NR5A1: variants seen among roughly 807,000 people sequenced by gnomAD.
The protein encoded by NR5A1 is nuclear receptor subfamily 5 group A member 1, also known as steroidogenic factor 1.
NR5A1 carries 6 observed loss-of-function variants against 42.7 expected under a neutral mutation model. The observed-to-expected ratio is 0.14, with a 90% CI of 0.08 to 0.28. The LOEUF (loss-of-function observed/expected upper bound fraction) is 0.28. Ranked by LOEUF, NR5A1 falls within the 10% of genes least tolerant of loss-of-function variation. NR5A1 has a pLI of 1.00. For synonymous variants in NR5A1, 274 were observed against 277.5 expected, an observed-to-expected ratio of 0.99 and a Z score of 0.12; for missense variants, 442 against 626.4, an observed-to-expected ratio of 0.71 and a Z score of 3.14.
At chr9:124,491,041 C>CCCGGGGGG in intron 6 of NR5A1, 40 bp downstream of exon 6, 9 of 1,509,624 alleles carry the variant, frequency 6.0e-6, no homozygotes, top group Non-Finnish European at 8.1e-6. Flanking sequence ...CCACCCGCCT[C>CCCGGGGGG]TGGCTGTCTC....
intron 6 of NR5A1, among the ~76,000 whole-genome samples, chr9:124,483,852 C>T (rs1184806359): frequency 1.3e-5 from 2 of 152,184 alleles, no homozygotes; most frequent in Non-Finnish European, 2.9e-5. Flanking sequence ...CCCCTATGAC[C>T]AACAGACAGG....
At chr9:124,491,032 C>CCCCCCCCCCCAGGGGGGGG in intron 6 of NR5A1, 49 bp downstream of exon 6, 4 of 1,258,250 alleles carry the variant, frequency 3.2e-6, no homozygotes, top group Non-Finnish European at 4.4e-6. Flanking sequence ...CCCTCCCACC[C>CCCCCCCCCCCAGGGGGGGG]ACCCGCCTCT....
intron 5 of NR5A1, among the ~76,000 whole-genome samples, chr9:124,491,851 T>G (rs1490583843): frequency 6.6e-6 from 1 of 151,568 alleles, no homozygotes; most frequent in Non-Finnish European, 1.5e-5. Flanking sequence ...ACCCACACAC[T>G]GATGTGTGTG....
In NR5A1 at chr9:124,501,521, C is replaced by G. The variant is rs1015178333; in HGVS notation, c.245-806G>C. ...CCGCCCCTGCTCAGACAGGGCCCCACCCTGGGATCTGGGCGAGGGGAAAGA... is the reference window on the plus strand; with the variant it reads ...CCGCCCCTGCTCAGACAGGGCCCCAGCCTGGGATCTGGGCGAGGGGAAAGA... On this transcript the variant is annotated intron_variant, in intron 3 of 6. Coordinates refer to ENST00000373588, the MANE Select transcript of NR5A1 (RefSeq NM_004959.5). The surrounding 1 kb of genome is among the most constrained non-coding windows in gnomAD (Gnocchi z 4.1). Among the ~76,000 whole-genome samples, 3 of 152,224 alleles carry G rather than the reference C, an allele frequency of 2.0e-5. No individual in the cohort carries two copies. The highest frequency in any genetic ancestry group is 4.4e-5 in the Non-Finnish European group (3 of 68,044).
Position 124,498,621 on chromosome 9 carries a change from T to C in NR5A1, c.870+1469A>G, listed in dbSNP as rs1564151909. Among the ~76,000 whole-genome samples, 1 of 152,170 alleles carries C rather than the reference T, an allele frequency of 6.6e-6. No individual in the cohort carries two copies. The highest frequency in any genetic ancestry group is 6.5e-5 in the Admixed American group (1 of 15,286). The stretch of plus-strand genomic sequence containing the variant: ...AAGCTAGCAACCAACCCAAGATGCT[T>C]GGGGTCCTCATCCCCACCAGGGCCT... On this transcript the variant is annotated intron_variant, in intron 4 of 6. Transcript: ENST00000373588. This position sits in a 1 kb window ranked among gnomAD's most constrained non-coding sequence, Gnocchi z 4.6.
chr9:124,505,789 G>A (rs1564154813), intron 1 of NR5A1, among the ~76,000 whole-genome samples: 1 of 152,202 alleles, frequency 6.6e-6, no homozygotes, highest in Non-Finnish European at 1.5e-5. Flanking sequence ...GTGGGGCGAG[G>A]AAGAAAGCGC....
At chr9:124,504,176 C>T (rs999606713) in intron 1 of NR5A1, among the ~76,000 whole-genome samples, 3 of 152,018 alleles carry the variant, frequency 2.0e-5, no homozygotes, top group Non-Finnish European at 4.4e-5. Flanking sequence ...CAACGATAGA[C>T]GACAGACAGA....
At position 124,498,925 on chromosome 9, in the gene NR5A1, C is replaced by A. The variant is rs1183750430; in HGVS notation, c.870+1165G>T. The stretch of plus-strand genomic sequence containing the variant: ...ACCCACCCCCACCTACCAGCCAGGG[C>A]AGGCAGTGCCCCCAGCCCATCCGGC... On this transcript the variant is annotated intron_variant, in intron 4 of 6. Transcript: ENST00000373588. This position sits in a 1 kb window ranked among gnomAD's most constrained non-coding sequence, Gnocchi z 4.6. Among the ~76,000 whole-genome samples, 1 of 152,182 alleles carries A rather than the reference C, an allele frequency of 6.6e-6. No homozygotes were observed. Among genetic ancestry groups the A allele is most frequent in the African/African-American group, 2.4e-5 (1 of 41,448 alleles).
intron 4 of NR5A1, among the ~76,000 whole-genome samples, chr9:124,497,312 TGTAA>T (rs1832403530): frequency 6.6e-6 from 1 of 152,196 alleles, no homozygotes; most frequent in Non-Finnish European, 1.5e-5. Flanking sequence ...TCATACAGCA[TGTAA>T]GTGACAGAGC....
Position 124,498,120 on chromosome 9 carries a change from G to C in NR5A1, c.870+1970C>G, listed in dbSNP as rs941227504. ...TCTTCTGTCTGCTAAGATGTGTCCT[G>C]TCTGGAGGTGGGGAAATGAATGATC... On this transcript the variant is annotated intron_variant, in intron 4 of 6. Coordinates refer to ENST00000373588, the MANE Select transcript of NR5A1 (RefSeq NM_004959.5). The surrounding 1 kb of genome is among the most constrained non-coding windows in gnomAD (Gnocchi z 4.6). 2.0e-5 allele frequency among the ~76,000 whole-genome samples: 3 copies of C among 152,206 alleles called. No individual in the cohort carries two copies. Among genetic ancestry groups the C allele is most frequent in the Admixed American group, 2.0e-4 (3 of 15,292 alleles).
intron 5 of NR5A1, among the ~76,000 whole-genome samples, chr9:124,492,249 C>T (rs1416902876): frequency 6.7e-6 from 1 of 149,524 alleles, no homozygotes; most frequent in Non-Finnish European, 1.5e-5. Flanking sequence ...CTCCCCCCCT[C>T]CCTCTCTTTC....
intron 6 of NR5A1, among the ~76,000 whole-genome samples, chr9:124,485,956 G>A (rs188150083): frequency 6.6e-6 from 1 of 152,270 alleles, no homozygotes; most frequent in East Asian, 1.9e-4. Context: ...CATCAGTAAA[G>A]GGTCCTGGAG....
intron 4 of NR5A1, among the ~76,000 whole-genome samples, chr9:124,495,494 A>G (rs1832378266): frequency 6.6e-6 from 1 of 152,194 alleles, no homozygotes; most frequent in Non-Finnish European, 1.5e-5. Context: ...TACCGGCCAG[A>G]CTTCTGGGGA....
chr9:124,500,850 A>C lies in NR5A1; in HGVS notation c.245-135T>G. 1 of 1,364,512 alleles carries C rather than the reference A, an allele frequency of 7.3e-7. No homozygotes were observed. The highest frequency in any genetic ancestry group is 1.0e-6 in the Non-Finnish European group (1 of 968,860). 84.5% of individuals were successfully genotyped at this position (1,364,512 alleles called of 1,614,324 possible). On this transcript the variant is annotated intron_variant, in intron 3 of 6. Coordinates refer to ENST00000373588, the MANE Select transcript of NR5A1 (RefSeq NM_004959.5). The surrounding 1 kb of genome is among the most constrained non-coding windows in gnomAD (Gnocchi z 6.9). ...CCCTTTCATGGCTCCCACTGACCAC[A>C]GGGGAAGTCAGTCTCCTTTGCCTGG...
rs893631800 is a variant in NR5A1 at position 124,496,881 on chromosome 9, A to G, written c.870+3209T>C. On this transcript the variant is annotated intron_variant, in intron 4 of 6. Transcript: ENST00000373588. The surrounding 1 kb of genome is among the most constrained non-coding windows in gnomAD (Gnocchi z 5.0). ...TGCATCCTCCCAGCCTGTCCTTCGCAGTAAGTGACGAGAGGCTGACTGCCT... is the reference window on the plus strand; with the variant it reads ...TGCATCCTCCCAGCCTGTCCTTCGCGGTAAGTGACGAGAGGCTGACTGCCT... Among the ~76,000 whole-genome samples the G allele has an allele frequency of 7.2e-5, 11 of 152,176 alleles. No homozygotes were observed. The highest frequency in any genetic ancestry group is 1.2e-4 in the Non-Finnish European group (8 of 68,022).
In NR5A1 at chr9:124,482,115, C is replaced by A. The variant is rs975954166; in HGVS notation, c.*643G>T. The A allele has an allele frequency of 1.9e-5, 3 of 153,852 alleles. No homozygotes were observed. The highest frequency in any genetic ancestry group is 2.9e-5 in the Non-Finnish European group (2 of 69,208). 9.5% of individuals were successfully genotyped at this position (153,852 alleles called of 1,614,324 possible). The stretch of plus-strand genomic sequence containing the variant: ...TGATGCCTGGAGCAAAGTTTTTTCC[C>A]GATGATGTATCAATGCCCCCTCTTG... On this transcript the variant is annotated 3_prime_UTR_variant, in exon 7 of 7. Coordinates refer to ENST00000373588, the MANE Select transcript of NR5A1 (RefSeq NM_004959.5).
Position 124,482,706 on chromosome 9 carries a change from A to AC in NR5A1, c.*51_*52insG. On this transcript the variant is annotated 3_prime_UTR_variant, in exon 7 of 7. Transcript: ENST00000373588. ...CAGCGGTGTGGCTGCGGCCCCGCCCAGGCCCCGCCCCCAGTCCCGCCCCCA... is the reference window on the plus strand; with the variant it reads ...CAGCGGTGTGGCTGCGGCCCCGCCCACGGCCCCGCCCCCAGTCCCGCCCCCA... 24 of 297,254 alleles carry AC rather than the reference A, an allele frequency of 8.1e-5. No individual in the cohort carries two copies. Among genetic ancestry groups the AC allele is most frequent in the South Asian group, 1.1e-4 (5 of 45,160 alleles). 18.4% of individuals were successfully genotyped at this position (297,254 alleles called of 1,614,324 possible).
chr9:124,499,200 C>T (rs1564152023), intron 4 of NR5A1, among the ~76,000 whole-genome samples: 1 of 152,162 alleles, frequency 6.6e-6, no homozygotes, highest in African/African-American at 2.4e-5. Flanking sequence ...AGAGCCAGGG[C>T]ACTGGAGGGG....
In NR5A1 at chr9:124,500,323, A is replaced by G. The variant is rs1334298714; in HGVS notation, c.637T>C (p.Tyr213His). 1.4e-5 allele frequency: 22 copies of G among 1,558,924 alleles called. No individual in the cohort carries two copies. Among genetic ancestry groups the G allele is most frequent in the Non-Finnish European group, 1.8e-5 (21 of 1,151,850 alleles). Residue 213 changes from tyrosine to histidine, a missense_variant, in exon 4 of 7, where the codon TAC becomes CAC. By Grantham distance (83) the Tyr-to-His change is moderately conservative. This residue lies in a region of NR5A1 where 208 missense variants were observed against 203.8 expected (regional missense o/e 1.02). Transcript: ENST00000373588. The surrounding 1 kb of genome is among the most constrained non-coding windows in gnomAD (Gnocchi z 6.9). The stretch of plus-strand genomic sequence containing the variant: ...GGCCCTCCAGAGAAGGGCTCTGGGT[A>G]GCCGTACGGCAGCCCAGGCTGTGGG... Reference protein sequence around the residue: ...SPPQPGLPYGYPEPFSGGPNV... With the variant: ...SPPQPGLPYGHPEPFSGGPNV...
Sources: gnomAD v4.1 joint callset for allele counts (sites outside exome capture counted in the v4.1 genomes callset) on GRCh38, gnomAD v4.1.1 for gene constraint, gnomAD v4.1.1 regional missense constraint, Gnocchi (gnomAD v3.1) non-coding constraint, MANE v1.5 for transcripts, NCBI Gene and HGNC (gene_info 2026-07-23, HGNC 2026-07-21) for gene names.